PLEKHD1: variants seen among roughly 807,000 people sequenced by gnomAD.
PLEKHD1 encodes pleckstrin homology and coiled-coil domain containing D1.
Under a neutral mutation model 69.2 loss-of-function variants are expected in PLEKHD1, and 51 were observed. The ratio of observed to expected loss-of-function variants is 0.74; its 90% CI spans 0.59 to 0.93. The LOEUF (loss-of-function observed/expected upper bound fraction) is 0.93. Ranked by LOEUF, PLEKHD1 falls within the 40% of genes least tolerant of loss-of-function variation. The probability of loss-of-function intolerance (pLI) is 0.00; values close to 1 mark genes in which losing one functional copy is unlikely to be tolerated. For synonymous variants in PLEKHD1, 236 were observed against 244.7 expected (o/e 0.96, Z 0.33); for missense variants, 584 against 641.0 (o/e 0.91, Z 0.96).
chr14:69,486,901 G>A (rs1022693298), intron 1 of PLEKHD1, among the ~76,000 whole-genome samples: 3 of 152,140 alleles, frequency 2.0e-5, no homozygotes, highest in African/African-American at 7.2e-5. Flanking sequence ...GAGAGGTTTA[G>A]TGTCCCCCAC....
rs1333560839 is a variant in PLEKHD1, at chr14:69,529,289, C to T, written c.*870C>T. Reference sequence around the variant, plus strand: ...GGCACAGTGGCTCATGCCTGTAATCCCAGCACTTTGAGAGGCCGAGGCGGG... The same window carrying T: ...GGCACAGTGGCTCATGCCTGTAATCTCAGCACTTTGAGAGGCCGAGGCGGG... On this transcript the variant is annotated 3_prime_UTR_variant, in exon 13 of 13. Transcript: ENST00000322564. 1 of 152,254 alleles carries T rather than the reference C, an allele frequency of 6.6e-6. No homozygotes were observed. The highest frequency in any genetic ancestry group is 1.9e-4 in the East Asian group (1 of 5,194). 9.4% of individuals were successfully genotyped at this position (152,254 alleles called of 1,614,324 possible). A position where few individuals can be genotyped will look rare whatever the true frequency, so the allele number is the denominator to read the frequency against.
At chr14:69,524,170 G>A in intron 7 of PLEKHD1, 59 bp from the exon 8 acceptor site, 1 of 1,347,732 alleles carries the variant, frequency 7.4e-7, no homozygotes, top group Non-Finnish European at 1.0e-6. Context: ...AAGTGCAGAG[G>A]TGATTGGTGG....
chr14:69,501,495 G>A, intron 4 of PLEKHD1: 2 of 429,708 alleles, frequency 4.7e-6, no homozygotes, highest in Non-Finnish European at 4.2e-6. Flanking sequence ...AAGTGCTGTT[G>A]GCCCAGCCCC....
In PLEKHD1 at chr14:69,530,124, G is replaced by A. The variant is rs1192045338; in HGVS notation, c.*1705G>A. ...CCCAGCAAAAAGTGCAAGAACCTGG[G>A]AGCCCACAACCTATTCTGTGGGAAG... On this transcript the variant is annotated 3_prime_UTR_variant, in exon 13 of 13. Transcript: ENST00000322564. 1.3e-5 allele frequency: 2 copies of A among 152,270 alleles called. No individual in the cohort carries two copies. The highest frequency in any genetic ancestry group is 2.4e-5 in the African/African-American group (1 of 41,474). The allele number at this position is 152,270 out of a possible 1,614,324, so 9.4% of individuals were successfully genotyped here.
At chr14:69,470,495 A>G in the PLEKHD1 span, among the ~76,000 whole-genome samples, 1 of 152,152 alleles carries the variant, frequency 6.6e-6, no homozygotes, top group East Asian at 1.9e-4. Flanking sequence ...TGGTATTTGA[A>G]TCCACGTCTG....
At chr14:69,528,110 G>A in intron 12 of PLEKHD1, 140 bp from the exon 13 acceptor site, 1 of 1,406,326 alleles carries the variant, frequency 7.1e-7, no homozygotes, top group Non-Finnish European at 9.6e-7. Flanking sequence ...AAAGGATATG[G>A]AAGCCCGTGT....
chr14:69,495,419 G>C (rs566366831), intron 1 of PLEKHD1, among the ~76,000 whole-genome samples: 1 of 152,174 alleles, frequency 6.6e-6, no homozygotes, highest in Non-Finnish European at 1.5e-5. Context: ...CTTACTCAGA[G>C]AAAAAGCCAG....
chr14:69,505,070 C>T (rs1176771150), intron 6 of PLEKHD1, among the ~76,000 whole-genome samples: 2 of 152,148 alleles, frequency 1.3e-5, no homozygotes, highest in Non-Finnish European at 2.9e-5. Context: ...ATTAGGACAG[C>T]GGAGACCCAC....
At chr14:69,488,963 G>T (rs1169705687) in intron 1 of PLEKHD1, among the ~76,000 whole-genome samples, 1 of 152,072 alleles carries the variant, frequency 6.6e-6, no homozygotes, top group African/African-American at 2.4e-5. Flanking sequence ...GGGTTAGGGA[G>T]ATGGGCACAC....
At chr14:69,503,690 CAAAAAAAAAAAAAAAA>C (rs1164078389) in intron 6 of PLEKHD1, 1 of 45,988 alleles carries the variant, frequency 2.2e-5, no homozygotes, top group Non-Finnish European at 4.5e-5. Context: ...GACTCCGTCT[CAAAAAAAAAAAAAAAA>C]AAAAAAAATA....
chr14:69,518,997 G>T (rs1218253261), intron 6 of PLEKHD1, among the ~76,000 whole-genome samples: 2 of 151,994 alleles, frequency 1.3e-5, no homozygotes, highest in Non-Finnish European at 2.9e-5. Flanking sequence ...TGAGGAGAGG[G>T]GCTTCAGGAG....
chr14:69,528,174 C>A lies in PLEKHD1; in HGVS notation c.1352-76C>A, dbSNP rs946306753. 9.0e-5 allele frequency: 136 copies of A among 1,506,104 alleles called. 1 individual carries two copies. The highest frequency in any genetic ancestry group is 1.2e-4 in the Non-Finnish European group (133 of 1,113,694). 93.3% of individuals were successfully genotyped at this position (1,506,104 alleles called of 1,614,324 possible). A position where few individuals can be genotyped will look rare whatever the true frequency, so the allele number is the denominator to read the frequency against. ...CACACATAAAGGAGTGAGGGGGTGG[C>A]ATGAGGCTGGGGACAGGGCCAGGCC... is the stretch of plus-strand genomic sequence containing the variant. On this transcript the variant is annotated intron_variant, in intron 12 of 12. Transcript: ENST00000322564.
chr14:69,470,104 A>G, the PLEKHD1 span, among the ~76,000 whole-genome samples: 28 of 152,316 alleles, frequency 1.8e-4, no homozygotes, highest in African/African-American at 6.5e-4. Flanking sequence ...CCTCAGCACC[A>G]GGCTGCAAGC....
chr14:69,468,354 G>A, the PLEKHD1 span, among the ~76,000 whole-genome samples: 2 of 152,162 alleles, frequency 1.3e-5, no homozygotes, highest in African/African-American at 2.4e-5. Flanking sequence ...TACTCCTTTC[G>A]AAAATTGTAA....
Position 69,530,465 on chromosome 14 carries a change from A to G in PLEKHD1, c.*2046A>G, listed in dbSNP as rs985712793. On this transcript the variant is annotated 3_prime_UTR_variant, in exon 13 of 13. Transcript: ENST00000322564. ...GATGAACTTTGAATTGAAGGGGAAT[A>G]TTTATAAAACCAAGATTACTGTTTC... The G allele has an allele frequency of 1.3e-5, 2 of 152,162 alleles. No homozygotes were observed. The highest frequency in any genetic ancestry group is 2.4e-5 in the African/African-American group (1 of 41,444). The allele number at this position is 152,162 out of a possible 1,614,324, so 9.4% of individuals were successfully genotyped here. A position where few individuals can be genotyped will look rare whatever the true frequency, so the allele number is the denominator to read the frequency against.
chr14:69,487,604 C>A (rs1385984834), intron 1 of PLEKHD1, among the ~76,000 whole-genome samples: 1 of 152,226 alleles, frequency 6.6e-6, no homozygotes, highest in Middle Eastern at 3.2e-3. Context: ...CTCCAGCTTC[C>A]ACCGCCCAAG....
intron 1 of PLEKHD1, among the ~76,000 whole-genome samples, chr14:69,499,661 G>A (rs1882977733): frequency 6.6e-6 from 1 of 152,250 alleles, no homozygotes; most frequent in Non-Finnish European, 1.5e-5. Context: ...ACACTGGGGT[G>A]CTCGGGGCTG....
intron 7 of PLEKHD1, among the ~76,000 whole-genome samples, chr14:69,523,047 C>G (rs1883557247): frequency 6.6e-6 from 1 of 152,132 alleles, no homozygotes; most frequent in Non-Finnish European, 1.5e-5. Context: ...ATTCTTGTGC[C>G]TCAGCCTCCT....
the PLEKHD1 span, among the ~76,000 whole-genome samples, chr14:69,471,090 CTTTTTTTTTT>C: frequency 2.0e-4 from 9 of 44,746 alleles, no homozygotes; most frequent in African/African-American, 6.8e-4. Context: ...CGTGCCTGGC[CTTTTTTTTTT>C]TTTTTTTTTT....
Sources: allele counts gnomAD v4.1 joint callset (sites outside exome capture counted in the v4.1 genomes callset), GRCh38; gene constraint gnomAD v4.1.1; transcripts MANE v1.5; gene names NCBI Gene and HGNC (gene_info 2026-07-23, HGNC 2026-07-21).